Variants in BBX observed in about 807,000 individuals in gnomAD.
The protein encoded by BBX is BBX high mobility group box domain containing, also known as HMG box transcription factor BBX.
BBX carries 30 observed loss-of-function variants against 100.2 expected under a neutral mutation model. The observed-to-expected ratio is 0.30, with a 90% CI of 0.22 to 0.41. BBX has a LOEUF of 0.41. Among genes scored for constraint, BBX ranks in the 10% least tolerant of loss-of-function variants. The probability of loss-of-function intolerance (pLI) is 1.00; values close to 1 mark genes in which losing one functional copy is unlikely to be tolerated. For missense variants in BBX, 1,023 were observed against 1,129.8 expected (o/e 0.91, Z 1.35); for synonymous variants, 376 against 388.1 (o/e 0.97, Z 0.37).
chr3:107,786,994 C>T lies in BBX; in HGVS notation c.2204-2793C>T, dbSNP rs532471369. ...CAAGTGATCTGAATAGATACTTCTCCGAATAAGATATATAACAAATACGTG... is the reference window on the plus strand; with the variant it reads ...CAAGTGATCTGAATAGATACTTCTCTGAATAAGATATATAACAAATACGTG... On this transcript the variant is annotated intron_variant, in intron 13 of 17. Transcript: ENST00000325805. Among the ~76,000 whole-genome samples, 5 of 152,020 alleles carry T rather than the reference C, an allele frequency of 3.3e-5. No homozygotes were observed. The East Asian group carries it at 5.8e-4, about 18-fold the overall frequency.
At chr3:107,741,007 A>C (rs1191857477) in intron 7 of BBX, among the ~76,000 whole-genome samples, 2 of 149,874 alleles carry the variant, frequency 1.3e-5, no homozygotes, top group African/African-American at 2.5e-5. Context: ...TGAAAGTAGC[A>C]GTCTTTGTGT....
intron 2 of BBX, among the ~76,000 whole-genome samples, chr3:107,582,071 A>G (rs2052319385): frequency 6.6e-6 from 1 of 152,002 alleles, no homozygotes; most frequent in African/African-American, 2.4e-5. Flanking sequence ...AGAAGCAGTT[A>G]TTTCTTCTTA....
intron 2 of BBX, among the ~76,000 whole-genome samples, chr3:107,591,335 C>G (rs1463236985): frequency 6.6e-6 from 1 of 151,954 alleles, no homozygotes; most frequent in Non-Finnish European, 1.5e-5. Flanking sequence ...CAAAACTTAC[C>G]TAAGAGTAAA....
At position 107,604,056 on chromosome 3, in the gene BBX, G is replaced by T. The variant is rs1023758249; in HGVS notation, c.-83-41780G>T. 2.6e-5 allele frequency among the ~76,000 whole-genome samples: 4 copies of T among 152,178 alleles called. No homozygotes were observed. In the South Asian group the frequency reaches 8.3e-4, roughly 32 times the overall value. The stretch of plus-strand genomic sequence containing the variant: ...ACCGTGGTCATTCTCAAGTGTAGCT[G>T]CGTATTGGAACCCCCAGGGAAGTTT... On this transcript the variant is annotated intron_variant, in intron 2 of 17. Transcript: ENST00000325805.
intron 2 of BBX, among the ~76,000 whole-genome samples, chr3:107,531,778 C>T (rs889449977): frequency 2.0e-5 from 3 of 152,110 alleles, no homozygotes; most frequent in African/African-American, 7.2e-5. Context: ...ATTTTCCCAC[C>T]TCTTTAAAAA....
chr3:107,526,140 G>C (rs1371553923), intron 1 of BBX, among the ~76,000 whole-genome samples, 187 bp from the exon 2 acceptor site: 1 of 152,320 alleles, frequency 6.6e-6, no homozygotes, highest in South Asian at 2.1e-4. Context: ...TTCAATACGG[G>C]GAGCTTCTTT....
At chr3:107,777,660 A>G (rs773191506) in intron 12 of BBX, among the ~76,000 whole-genome samples, 18 of 152,248 alleles carry the variant, frequency 1.2e-4, no homozygotes, top group East Asian at 1.9e-4. Flanking sequence ...AGATTGCCCA[A>G]CTTTACGGGT....
intron 4 of BBX, among the ~76,000 whole-genome samples, chr3:107,714,206 C>T (rs2061940525): frequency 6.6e-6 from 1 of 151,810 alleles, no homozygotes; most frequent in Admixed American, 6.6e-5. Flanking sequence ...GAACTCCTGA[C>T]CTTAGGTGAT....
At chr3:107,630,398 A>G (rs2056471534) in intron 2 of BBX, among the ~76,000 whole-genome samples, 1 of 151,204 alleles carries the variant, frequency 6.6e-6, no homozygotes, top group African/African-American at 2.4e-5. Context: ...CCTCCTCCCC[A>G]CTCCTTTGCA....
intron 3 of BBX, among the ~76,000 whole-genome samples, chr3:107,681,394 G>C (rs758912718): frequency 3.9e-5 from 6 of 151,970 alleles, no homozygotes; most frequent in African/African-American, 7.3e-5. Flanking sequence ...TTCAACTAGG[G>C]ATCAATTTAG....
intron 2 of BBX, among the ~76,000 whole-genome samples, chr3:107,552,607 G>A (rs2049790187): frequency 6.6e-6 from 1 of 152,154 alleles, no homozygotes; most frequent in African/African-American, 2.4e-5. Context: ...CATTGTTACA[G>A]ATAGAAAAGT....
chr3:107,604,699 A>G (rs2054299715), intron 2 of BBX, among the ~76,000 whole-genome samples: 1 of 152,132 alleles, frequency 6.6e-6, no homozygotes, highest in Non-Finnish European at 1.5e-5. Flanking sequence ...TACATAAACT[A>G]CTTAAATCAG....
At chr3:107,639,732 C>CAATGTACAT (rs1239206538) in intron 2 of BBX, among the ~76,000 whole-genome samples, 1 of 152,016 alleles carries the variant, frequency 6.6e-6, no homozygotes, top group Non-Finnish European at 1.5e-5. Flanking sequence ...AATCTTATGG[C>CAATGTACAT]AATGTACATA....
Position 107,728,970 on chromosome 3 carries a change from G to C in BBX, c.601+10G>C. On this transcript the variant is annotated intron_variant, in intron 6 of 17. Transcript: ENST00000325805. ...AACTTTGGAATGGCTGGTGAGTTGAGACACTATTTCCACCTATTCTTTAAG... is the reference window on the plus strand; with the variant it reads ...AACTTTGGAATGGCTGGTGAGTTGACACACTATTTCCACCTATTCTTTAAG... 2 of 1,611,716 alleles carry C rather than the reference G, an allele frequency of 1.2e-6. No homozygotes were observed. Among genetic ancestry groups the C allele is most frequent in the Non-Finnish European group, 1.7e-6 (2 of 1,178,706 alleles).
intron 15 of BBX, among the ~76,000 whole-genome samples, chr3:107,793,863 T>C (rs987639852): frequency 4.6e-5 from 7 of 152,160 alleles, no homozygotes; most frequent in Admixed American, 3.9e-4. Context: ...TTTCTTTTTT[T>C]TCAAAATATC....
At chr3:107,742,020 T>A (rs1411450660) in intron 7 of BBX, among the ~76,000 whole-genome samples, 1 of 152,174 alleles carries the variant, frequency 6.6e-6, no homozygotes, top group African/African-American at 2.4e-5. Context: ...AGATTTTAGA[T>A]CCCCAGAAGA....
At chr3:107,772,261 G>T (rs1392222059) in intron 10 of BBX, among the ~76,000 whole-genome samples, 2 of 152,148 alleles carry the variant, frequency 1.3e-5, no homozygotes, top group Non-Finnish European at 2.9e-5. Flanking sequence ...AGGAGTGAGG[G>T]GGTAAGTGAT....
At chr3:107,793,900 G>A (rs549806537) in intron 15 of BBX, among the ~76,000 whole-genome samples, 1 of 151,878 alleles carries the variant, frequency 6.6e-6, no homozygotes, top group Admixed American at 6.6e-5. Flanking sequence ...TTAGTAATAT[G>A]TTTAAATGCT....
At chr3:107,598,194 G>GGT (rs913472074) in intron 2 of BBX, among the ~76,000 whole-genome samples, 6 of 152,082 alleles carry the variant, frequency 3.9e-5, no homozygotes, top group African/African-American at 1.4e-4. Context: ...ATTTCTAGGG[G>GGT]GTGTGTGTGT....
Sources: gnomAD v4.1 joint callset for allele counts (sites outside exome capture counted in the v4.1 genomes callset) on GRCh38, gnomAD v4.1.1 for gene constraint, MANE v1.5 for transcripts, NCBI Gene and HGNC (gene_info 2026-07-23, HGNC 2026-07-21) for gene names.